UST: variants seen among roughly 807,000 people sequenced by gnomAD.
The protein encoded by UST is chondroitin sulfate 2-O-sulfotransferase.
In UST, 21 loss-of-function variants were observed where a neutral mutation model predicts 45.6. The ratio of observed to expected loss-of-function variants is 0.46; its 90% CI spans 0.33 to 0.66. The LOEUF is 0.66. UST is among the 30% of genes least tolerant of loss of function. The pLI, the probability that UST is intolerant of heterozygous loss-of-function variation, is 0.02. For synonymous variants in UST, 215 were observed against 200.6 expected (o/e 1.07, Z -0.61); for missense variants, 463 against 512.4 (o/e 0.90, Z 0.93).
Position 148,822,767 on chromosome 6 carries a change from G to A in UST, c.248-64219G>A, listed in dbSNP as rs183357464. Reference sequence around the variant, plus strand: ...GAAGCATAGTTAATAAGGATAAAACGTTACTTTTGCATTGAAAGCAAAAAT... The same window carrying A: ...GAAGCATAGTTAATAAGGATAAAACATTACTTTTGCATTGAAAGCAAAAAT... On this transcript the variant is annotated intron_variant, in intron 1 of 7. Transcript: ENST00000367463. Among the ~76,000 whole-genome samples, 68 of 152,252 alleles carry A rather than the reference G, an allele frequency of 4.5e-4. No individual in the cohort carries two copies. In the East Asian group the frequency reaches 0.011, roughly 25 times the overall value.
At chr6:148,953,840 C>T in intron 3 of UST, 32 bp from the exon 4 acceptor site, 3 of 1,346,944 alleles carry the variant, frequency 2.2e-6, no homozygotes, top group Middle Eastern at 1.9e-4. Context: ...AAATTAGATC[C>T]TATATATGCT....
In UST at chr6:148,865,713, T is replaced by TGG. The variant is rs1441709753; in HGVS notation, c.248-21272_248-21271insGG. The stretch of plus-strand genomic sequence containing the variant: ...GTGTGTGTGTGTGTGTGTGTGTGTG[T>TGG]GAATTCAGAGAAGAGGCAAATTAAT... On this transcript the variant is annotated intron_variant, in intron 1 of 7. Transcript: ENST00000367463. 8.6e-4 allele frequency among the ~76,000 whole-genome samples: 69 copies of TGG among 80,226 alleles called. 1 individual carries two copies. The highest frequency in any genetic ancestry group is 2.2e-3 in the East Asian group (2 of 902). The allele number at this position is 80,226 out of a possible 152,430, so 52.6% of individuals were successfully genotyped here.
chr6:148,849,539 A>C (rs1778065344), intron 1 of UST, among the ~76,000 whole-genome samples: 1 of 152,132 alleles, frequency 6.6e-6, no homozygotes, highest in African/African-American at 2.4e-5. Flanking sequence ...CATACTTGAG[A>C]CTGGGTAATT....
chr6:148,838,413 A>G (rs1242825416), intron 1 of UST, among the ~76,000 whole-genome samples: 1 of 152,228 alleles, frequency 6.6e-6, no homozygotes, highest in African/African-American at 2.4e-5. Flanking sequence ...GAAAGCCTTT[A>G]GAGTATCCAA....
At chr6:148,853,062 G>A (rs1024867442) in intron 1 of UST, among the ~76,000 whole-genome samples, 4 of 152,118 alleles carry the variant, frequency 2.6e-5, no homozygotes, top group South Asian at 2.1e-4. Context: ...AACCCATCAC[G>A]TAGGTATTAA....
intron 3 of UST, among the ~76,000 whole-genome samples, chr6:148,944,508 T>TACACATAC (rs1780194421): frequency 7.0e-6 from 1 of 142,544 alleles, no homozygotes; most frequent in Non-Finnish European, 1.5e-5. Context: ...GTTGTGATCA[T>TACACATAC]ACACACACAC....
chr6:148,916,418 A>G (rs1034711641), intron 2 of UST, among the ~76,000 whole-genome samples: 4 of 152,182 alleles, frequency 2.6e-5, no homozygotes, highest in African/African-American at 9.7e-5. Context: ...AGAATGGGGC[A>G]TTGGCTCTAA....
At position 148,934,473 on chromosome 6, in the gene UST, T is replaced by C. The variant is rs1779981723; in HGVS notation, c.292-6806T>C. 6.6e-6 allele frequency among the ~76,000 whole-genome samples: 1 copy of C among 152,206 alleles called. No homozygotes were observed. The highest frequency in any genetic ancestry group is 1.5e-5 in the Non-Finnish European group (1 of 68,024). Reference sequence around the variant, plus strand: ...AATTTCAGTTAACCTACACATTCAGTTAACCAGCACACCTGTTCTCTAACT... The same window carrying C: ...AATTTCAGTTAACCTACACATTCAGCTAACCAGCACACCTGTTCTCTAACT... On this transcript the variant is annotated intron_variant, in intron 2 of 7. Transcript: ENST00000367463. This position sits in a 1 kb window ranked among gnomAD's most constrained non-coding sequence, Gnocchi z 4.1.
At chr6:149,019,348 GA>G in intron 6 of UST, 112 bp downstream of exon 6, 1 of 761,820 alleles carries the variant, frequency 1.3e-6, no homozygotes, top group Non-Finnish European at 2.3e-6. Context: ...CAACCTTCTG[GA>G]ATTCAGTTCC....
At chr6:148,872,173 A>T (rs1415468661) in intron 1 of UST, among the ~76,000 whole-genome samples, 1 of 152,174 alleles carries the variant, frequency 6.6e-6, no homozygotes, top group Non-Finnish European at 1.5e-5. Context: ...CAAAGACAAC[A>T]CTCTTATCTG....
intron 7 of UST, among the ~76,000 whole-genome samples, chr6:149,067,176 A>G (rs962434480): frequency 2.0e-5 from 3 of 152,316 alleles, no homozygotes; most frequent in South Asian, 2.1e-4. Flanking sequence ...GTTTGGGACA[A>G]CGTTCATCTG....
At chr6:149,008,366 G>C (rs1390470367) in intron 5 of UST, among the ~76,000 whole-genome samples, 1 of 152,126 alleles carries the variant, frequency 6.6e-6, no homozygotes, top group African/African-American at 2.4e-5. Flanking sequence ...TTCTCCATCT[G>C]TACATGATTC....
intron 5 of UST, among the ~76,000 whole-genome samples, chr6:148,977,519 G>GA (rs1562318709): frequency 6.6e-6 from 1 of 151,906 alleles, no homozygotes; most frequent in Non-Finnish European, 1.5e-5. Context: ...TGGGAGGCCA[G>GA]GGCGGGCGGA....
At chr6:148,982,490 A>T (rs1220933004) in intron 5 of UST, among the ~76,000 whole-genome samples, 2 of 152,148 alleles carry the variant, frequency 1.3e-5, no homozygotes, top group Non-Finnish European at 2.9e-5. Context: ...TCCTAATACT[A>T]TGACATTGGC....
intron 1 of UST, among the ~76,000 whole-genome samples, chr6:148,807,581 CAG>C (rs1055771469): frequency 6.6e-5 from 10 of 152,120 alleles, no homozygotes; most frequent in South Asian, 4.1e-4. Flanking sequence ...GAGTAGGAGA[CAG>C]GGGGCTGGAG....
chr6:148,878,711 C>CAT (rs377427404), intron 1 of UST, among the ~76,000 whole-genome samples: 1 of 126,522 alleles, frequency 7.9e-6, no homozygotes, highest in Non-Finnish European at 1.6e-5. Context: ...GTGCGGAGGT[C>CAT]GTGTATGAGT....
At chr6:148,994,997 T>C (rs1286844586) in intron 5 of UST, among the ~76,000 whole-genome samples, 2 of 152,046 alleles carry the variant, frequency 1.3e-5, no homozygotes, top group Non-Finnish European at 2.9e-5. Context: ...CCCATAGCCA[T>C]CCTGTAAAAG....
chr6:149,011,513 G>T (rs1000181649), intron 5 of UST, among the ~76,000 whole-genome samples: 1 of 152,172 alleles, frequency 6.6e-6, no homozygotes, highest in Non-Finnish European at 1.5e-5. Flanking sequence ...TGAGGTGATA[G>T]ATAACCCCCA....
intron 4 of UST, among the ~76,000 whole-genome samples, chr6:148,960,594 T>C (rs376816883): frequency 3.3e-5 from 5 of 152,072 alleles, no homozygotes; most frequent in African/African-American, 1.2e-4. Context: ...ATGGGCAGAG[T>C]TTCCATTTGT....
Sources: allele counts gnomAD v4.1 joint callset (sites outside exome capture counted in the v4.1 genomes callset), GRCh38; gene constraint gnomAD v4.1.1; non-coding constraint Gnocchi (gnomAD v3.1); transcripts MANE v1.5; gene names NCBI Gene and HGNC (gene_info 2026-07-23, HGNC 2026-07-21).